NBAS: variants seen among roughly 807,000 people sequenced by gnomAD.
The protein encoded by NBAS is NAG/BC035112 fusion.
NBAS carries 219 observed loss-of-function variants against 302.5 expected under a neutral mutation model. The observed-to-expected ratio is 0.72, with a 90% CI of 0.65 to 0.81. NBAS has a LOEUF of 0.81. Ranked by LOEUF, NBAS falls within the 30% of genes least tolerant of loss-of-function variation. NBAS has a pLI of 0.00. For missense variants in NBAS, 2,932 were observed against 2,841.6 expected (o/e 1.03, Z -0.72); for synonymous variants, 1,118 against 1,021.6 (o/e 1.09, Z -1.80).
At chr2:15,123,238 C>T in the NBAS span, among the ~76,000 whole-genome samples, 9 of 152,140 alleles carry the variant, frequency 5.9e-5, no homozygotes, top group African/African-American at 1.9e-4. Context: ...TCTCATGCCC[C>T]TTCCAACTCT....
the NBAS span, among the ~76,000 whole-genome samples, chr2:15,145,678 CT>C: frequency 6.6e-6 from 1 of 152,096 alleles, no homozygotes; most frequent in East Asian, 1.9e-4. Context: ...GCTCCCACTC[CT>C]GCTGCAAAAG....
chr2:15,356,555 T>C (rs962282996), intron 32 of NBAS, 139 bp from the exon 33 acceptor site: 10 of 713,820 alleles, frequency 1.4e-5, no homozygotes, highest in Admixed American at 2.1e-5. Context: ...GAGGAAAAAG[T>C]TGCTTTGACC....
chr2:14,894,846 C>G, the NBAS span, among the ~76,000 whole-genome samples: 1 of 152,060 alleles, frequency 6.6e-6, no homozygotes, highest in Non-Finnish European at 1.5e-5. Context: ...ATCACGAGGT[C>G]AAGAGATCGA....
chr2:15,212,786 T>C lies in NBAS; in HGVS notation c.6432+5987A>G, dbSNP rs898903604. Reference sequence around the variant, plus strand: ...TTCATTCTTCTCTTTCCTGTTGCCATGTGAAGAAGGACCTGTTTGCTTCCC... The same window carrying C: ...TTCATTCTTCTCTTTCCTGTTGCCACGTGAAGAAGGACCTGTTTGCTTCCC... On this transcript the variant is annotated intron_variant, in intron 48 of 51. Coordinates refer to ENST00000281513, the MANE Select transcript of NBAS (RefSeq NM_015909.4). Among the ~76,000 whole-genome samples the C allele has an allele frequency of 3.9e-5, 6 of 152,322 alleles. No individual in the cohort carries two copies. The South Asian group carries it at 1.2e-3, about 32-fold the overall frequency.
intron 28 of NBAS, among the ~76,000 whole-genome samples, chr2:15,384,661 T>C (rs1240810660): frequency 3.3e-5 from 5 of 152,160 alleles, no homozygotes; most frequent in Admixed American, 3.3e-4. Context: ...GACAATATAC[T>C]GTAATTCTCT....
chr2:14,799,712 A>C, the NBAS span, among the ~76,000 whole-genome samples: 1 of 152,024 alleles, frequency 6.6e-6, no homozygotes, highest in African/African-American at 2.4e-5. Flanking sequence ...TTGTAGATCT[A>C]TAAGTGTTTG....
chr2:15,527,968 C>T (rs1663003240), intron 9 of NBAS, among the ~76,000 whole-genome samples: 1 of 152,012 alleles, frequency 6.6e-6, no homozygotes, highest in Non-Finnish European at 1.5e-5. Flanking sequence ...AAATTTGAGT[C>T]CCTTAAAGAA....
At chr2:14,840,532 A>G in the NBAS span, among the ~76,000 whole-genome samples, 1 of 152,100 alleles carries the variant, frequency 6.6e-6, no homozygotes, top group Non-Finnish European at 1.5e-5. Context: ...GCAGCGAGAG[A>G]AAAGAAGCAA....
At chr2:14,990,339 G>A in the NBAS span, among the ~76,000 whole-genome samples, 2 of 151,074 alleles carry the variant, frequency 1.3e-5, no homozygotes, top group Non-Finnish European at 2.9e-5. Context: ...CAGGAGAATC[G>A]ATTGAACCTG....
chr2:15,111,907 T>C, the NBAS span, among the ~76,000 whole-genome samples: 1 of 147,708 alleles, frequency 6.8e-6, no homozygotes, highest in Non-Finnish European at 1.5e-5. Context: ...TTATATATTA[T>C]ATTAATTAAA....
the NBAS span, among the ~76,000 whole-genome samples, chr2:15,019,641 C>T: frequency 2.6e-5 from 4 of 152,026 alleles, no homozygotes; most frequent in African/African-American, 7.3e-5. Context: ...TTGTGTTCCT[C>T]CAAAACTGAT....
intron 45 of NBAS, among the ~76,000 whole-genome samples, chr2:15,235,979 T>G (rs1007626115): frequency 1.3e-5 from 2 of 152,200 alleles, no homozygotes; most frequent in African/African-American, 4.8e-5. Context: ...AGTTTTTTTG[T>G]ACTGGGTATA....
chr2:15,533,403 G>T (rs1409081404), intron 9 of NBAS, among the ~76,000 whole-genome samples: 1 of 152,110 alleles, frequency 6.6e-6, no homozygotes, highest in East Asian at 1.9e-4. Context: ...TAAATATGTT[G>T]CAAATTATTT....
At chr2:14,821,819 T>G in the NBAS span, among the ~76,000 whole-genome samples, 1 of 151,500 alleles carries the variant, frequency 6.6e-6, no homozygotes, top group Non-Finnish European at 1.5e-5. Context: ...AAGACCAGCC[T>G]GGCCAAGACG....
At chr2:15,352,122 T>C (rs1249924114) in intron 34 of NBAS, 41 bp from the exon 35 acceptor site, 1 of 1,405,216 alleles carries the variant, frequency 7.1e-7, no homozygotes, top group East Asian at 2.3e-5. Flanking sequence ...AGTTACGTTT[T>C]TAAATTTGCT....
the NBAS span, among the ~76,000 whole-genome samples, chr2:15,006,484 TG>T: frequency 6.6e-6 from 1 of 152,180 alleles, no homozygotes; most frequent in Admixed American, 6.5e-5. Context: ...AAATAATAAC[TG>T]AAAAAATATT....
intron 4 of NBAS, among the ~76,000 whole-genome samples, chr2:15,553,755 C>T (rs1664493744): frequency 7.3e-6 from 1 of 136,366 alleles, no homozygotes; most frequent in Non-Finnish European, 1.6e-5. Context: ...TCTCCCTCTC[C>T]TTCTCTTTAC....
the NBAS span, among the ~76,000 whole-genome samples, chr2:14,902,193 A>G: frequency 2.0e-5 from 3 of 152,140 alleles, no homozygotes; most frequent in African/African-American, 7.2e-5. Flanking sequence ...GTGCAGTGGC[A>G]TGATCTCAGC....
At chr2:15,396,252 G>T (rs1189731608) in intron 27 of NBAS, among the ~76,000 whole-genome samples, 161 bp downstream of exon 27, 2 of 151,996 alleles carry the variant, frequency 1.3e-5, no homozygotes, top group African/African-American at 4.8e-5. Context: ...CTACAATAGG[G>T]GTGCAGTGTA....
Sources: gnomAD v4.1 joint callset for allele counts (sites outside exome capture counted in the v4.1 genomes callset) on GRCh38, gnomAD v4.1.1 for gene constraint, MANE v1.5 for transcripts, NCBI Gene and HGNC (gene_info 2026-07-23, HGNC 2026-07-21) for gene names.